The following WWOX variants were observed in gnomAD, a reference collection of about 807,000 sequenced individuals.
WWOX encodes the protein WW domain containing oxidoreductase, also known as WW domain-containing oxidoreductase.
A neutral mutation model predicts 46.2 loss-of-function variants in WWOX; 69 were observed. That is an observed-to-expected ratio of 1.49 (90% confidence interval 1.23 to 1.82). The LOEUF is 1.82. Ranked by LOEUF, WWOX falls within the 40% of genes most tolerant of loss-of-function variation. The probability of loss-of-function intolerance (pLI) is 0.00; values close to 1 mark genes in which losing one functional copy is unlikely to be tolerated. For synonymous variants in WWOX, 359 were observed against 202.6 expected, an observed-to-expected ratio of 1.77 and a Z score of -6.56; for missense variants, 919 against 542.6, an observed-to-expected ratio of 1.69 and a Z score of -6.89.
At chr16:78,505,510 GACTGTTCAAGC>G (rs1381542818) in intron 8 of WWOX, among the ~76,000 whole-genome samples, 2 of 152,270 alleles carry the variant, frequency 1.3e-5, no homozygotes, top group East Asian at 3.9e-4. Flanking sequence ...AGCCCAGGGA[GACTGTTCAAGC>G]ACTGGATACC....
At chr16:78,908,484 G>A (rs970099578) in intron 8 of WWOX, among the ~76,000 whole-genome samples, 4 of 151,140 alleles carry the variant, frequency 2.6e-5, no homozygotes, top group Non-Finnish European at 4.4e-5. Context: ...AGGCTGCAGT[G>A]AGTCGAGATC....
chr16:78,125,864 C>T (rs2033339037), intron 4 of WWOX, among the ~76,000 whole-genome samples: 1 of 151,958 alleles, frequency 6.6e-6, no homozygotes, highest in South Asian at 2.1e-4. Context: ...TGTGCCTTCT[C>T]ATTTAATATA....
At chr16:79,045,405 A>G (rs1054738105) in intron 8 of WWOX, among the ~76,000 whole-genome samples, 4 of 152,180 alleles carry the variant, frequency 2.6e-5, no homozygotes, top group Admixed American at 2.6e-4. Flanking sequence ...CCCACTCCAG[A>G]GAGATGTACA....
chr16:78,716,640 G>T (rs886394902), intron 8 of WWOX, among the ~76,000 whole-genome samples: 2 of 152,028 alleles, frequency 1.3e-5, no homozygotes, highest in South Asian at 4.2e-4. Flanking sequence ...CTGTGATAAC[G>T]CTCCTCTCAC....
chr16:78,483,417 G>A (rs1057490485), intron 8 of WWOX, among the ~76,000 whole-genome samples: 12 of 142,390 alleles, frequency 8.4e-5, no homozygotes, highest in African/African-American at 2.0e-4. Context: ...CGGCATCTGC[G>A]TAGAATTTTT....
intron 8 of WWOX, among the ~76,000 whole-genome samples, chr16:78,585,601 G>C (rs1188795454): frequency 6.6e-6 from 1 of 151,864 alleles, no homozygotes; most frequent in East Asian, 1.9e-4. Flanking sequence ...GACTCAGCCA[G>C]CACTCCTTCT....
chr16:78,178,475 T>C (rs1375171419), intron 5 of WWOX, among the ~76,000 whole-genome samples: 1 of 152,184 alleles, frequency 6.6e-6, no homozygotes, highest in African/African-American at 2.4e-5. Flanking sequence ...TCTGGATTCT[T>C]CCTCTTATGG....
At chr16:78,673,069 A>G (rs1300889411) in intron 8 of WWOX, among the ~76,000 whole-genome samples, 3 of 152,180 alleles carry the variant, frequency 2.0e-5, no homozygotes, top group Non-Finnish European at 4.4e-5. Flanking sequence ...AAAGCAATGG[A>G]TCATGCTTAG....
intron 8 of WWOX, among the ~76,000 whole-genome samples, chr16:78,844,419 A>G (rs949105912): frequency 6.6e-6 from 1 of 152,144 alleles, no homozygotes; most frequent in Admixed American, 6.6e-5. Context: ...GTGGGTTACG[A>G]TGAATAATTT....
At chr16:78,729,137 A>G (rs1164035969) in intron 8 of WWOX, among the ~76,000 whole-genome samples, 5 of 151,818 alleles carry the variant, frequency 3.3e-5, no homozygotes, top group Admixed American at 3.3e-4. Context: ...GAGCTCAGGA[A>G]TTCGAGACCA....
intron 6 of WWOX, among the ~76,000 whole-genome samples, chr16:78,419,625 C>CAAAAAAAAAAAAAAAAAAAA (rs60762734): frequency 6.7e-5 from 3 of 44,678 alleles, no homozygotes; most frequent in South Asian, 1.9e-3. Flanking sequence ...CAAAAAATAG[C>CAAAAAAAAAAAAAAAAAAAA]AAAAAAAAAA....
intron 8 of WWOX, among the ~76,000 whole-genome samples, chr16:78,905,722 C>T (rs1334603685): frequency 6.6e-6 from 1 of 152,142 alleles, no homozygotes; most frequent in Non-Finnish European, 1.5e-5. Context: ...CATGAACTCC[C>T]TTTTATGATA....
chr16:78,726,092 C>G (rs1292735980), intron 8 of WWOX, among the ~76,000 whole-genome samples: 4 of 121,614 alleles, frequency 3.3e-5, no homozygotes, highest in Admixed American at 3.2e-4. Flanking sequence ...CCTCTTCCTC[C>G]CTCCCTCCCT....
At chr16:78,431,073 T>G (rs543137951) in intron 7 of WWOX, among the ~76,000 whole-genome samples, 82 of 152,340 alleles carry the variant, frequency 5.4e-4, no homozygotes, top group Non-Finnish European at 1.1e-3. Flanking sequence ...TGAGACTGTT[T>G]AGAAAATTCC....
At chr16:78,614,644 C>G (rs575928453) in intron 8 of WWOX, among the ~76,000 whole-genome samples, 1 of 152,304 alleles carries the variant, frequency 6.6e-6, no homozygotes, top group South Asian at 2.1e-4. Flanking sequence ...AGGGACCACC[C>G]CCTCCACCTT....
intron 5 of WWOX, among the ~76,000 whole-genome samples, chr16:78,294,836 G>T (rs1444701245): frequency 1.3e-5 from 2 of 152,180 alleles, no homozygotes; most frequent in East Asian, 3.9e-4. Context: ...GATTGTGAAT[G>T]AACAAACTAA....
In WWOX at chr16:78,670,171, G is replaced by T. The variant is rs555396172; in HGVS notation, c.1056+237419G>T. On this transcript the variant is annotated intron_variant, in intron 8 of 8. Transcript: ENST00000566780. ...GCTCTTATTCACCCCTTATTCTCTG[G>T]TTCCCTTTCACCAGCAGGTCCAGCT... 2.6e-5 allele frequency among the ~76,000 whole-genome samples: 4 copies of T among 152,180 alleles called. No homozygotes were observed. The East Asian group carries it at 5.8e-4, about 22-fold the overall frequency.
chr16:78,387,111 C>G (rs1002722685), intron 6 of WWOX, among the ~76,000 whole-genome samples, 163 bp downstream of exon 6: 9 of 152,162 alleles, frequency 5.9e-5, no homozygotes, highest in Admixed American at 4.6e-4. Flanking sequence ...ATTTTCTTGA[C>G]TCACAGTCAC....
chr16:79,072,154 A>G (rs2048563170), intron 8 of WWOX, among the ~76,000 whole-genome samples: 1 of 152,138 alleles, frequency 6.6e-6, no homozygotes, highest in African/African-American at 2.4e-5. Flanking sequence ...GGCATGGTAG[A>G]GTGTGCCTGT....
Sources: allele counts gnomAD v4.1 joint callset (sites outside exome capture counted in the v4.1 genomes callset), GRCh38; gene constraint gnomAD v4.1.1; transcripts MANE v1.5; gene names NCBI Gene and HGNC (gene_info 2026-07-23, HGNC 2026-07-21).